The following TTF1 variants were observed in gnomAD, a reference collection of about 807,000 sequenced individuals.
The protein encoded by TTF1 is transcription termination factor 1.
TTF1 carries 64 observed loss-of-function variants against 80.2 expected under a neutral mutation model. That is an observed-to-expected ratio of 0.80 (90% CI 0.65 to 0.98). The LOEUF is 0.98. Ranked by LOEUF, TTF1 falls within the 50% of genes least tolerant of loss-of-function variation. The probability of loss-of-function intolerance (pLI) is 0.00; values close to 1 mark genes in which losing one functional copy is unlikely to be tolerated. For missense variants in TTF1, 1,023 were observed against 1,086.2 expected (o/e 0.94, Z 0.82); for synonymous variants, 372 against 382.7 (o/e 0.97, Z 0.33).
In TTF1 at chr9:132,405,166, C is replaced by T. The variant is rs567288083; in HGVS notation, c.-8+1624G>A. Among the ~76,000 whole-genome samples the T allele has an allele frequency of 5.1e-4, 78 of 152,244 alleles. 1 individual carries two copies. The highest frequency in any genetic ancestry group is 1.7e-3 in the African/African-American group (72 of 41,562). ...CCTCCCAAAGTGCTGGGATTACAGG[C>T]GTGAGCCACCCACTGGCTGATTTCT... On this transcript the variant is annotated intron_variant, in intron 1 of 10. Coordinates refer to ENST00000334270, the MANE Select transcript of TTF1 (RefSeq NM_007344.4).
At chr9:132,389,838 C>T (rs754687053) in intron 7 of TTF1, among the ~76,000 whole-genome samples, 109 of 152,300 alleles carry the variant, frequency 7.2e-4, no homozygotes, top group Middle Eastern at 3.4e-3. Flanking sequence ...ATGTGACTGA[C>T]GCAGCCAGGA....
intron 5 of TTF1, among the ~76,000 whole-genome samples, chr9:132,395,870 C>G (rs1564188505): frequency 6.6e-6 from 1 of 152,168 alleles, no homozygotes; most frequent in African/African-American, 2.4e-5. Flanking sequence ...CGTGCTAACC[C>G]AAACGCTCGG....
At chr9:132,393,278 G>A (rs1166303) in intron 5 of TTF1, among the ~76,000 whole-genome samples, 52 of 151,318 alleles carry the variant, frequency 3.4e-4, no homozygotes, top group Non-Finnish European at 6.0e-4. Context: ...AGCCCCCCCC[G>A]CAAACTGGCC....
chr9:132,376,235 T>C (rs1849174610), intron 10 of TTF1, 67 bp from the exon 11 acceptor site: 2 of 1,507,770 alleles, frequency 1.3e-6, no homozygotes, highest in Non-Finnish European at 8.9e-7. Flanking sequence ...GGTCGAGGCA[T>C]ACAGGAGGCT....
intron 9 of TTF1, among the ~76,000 whole-genome samples, chr9:132,382,761 C>CAAAAAAAAAA (rs55904518): frequency 6.6e-5 from 9 of 136,998 alleles, no homozygotes; most frequent in African/African-American, 8.4e-5. Context: ...ACTAAAAATA[C>CAAAAAAAAAA]AAAAAAAAAA....
intron 10 of TTF1, among the ~76,000 whole-genome samples, chr9:132,377,974 T>C (rs1290037868): frequency 1.8e-4 from 22 of 124,878 alleles, no homozygotes; most frequent in Non-Finnish European, 3.3e-4. Flanking sequence ...TGTGTGTGAG[T>C]GCATGCATGT....
Position 132,401,577 on chromosome 9 carries a change from C to G in TTF1, c.1245G>C (p.Glu415Asp). 1 of 1,614,124 alleles carries G rather than the reference C, an allele frequency of 6.2e-7. No individual in the cohort carries two copies. The highest frequency in any genetic ancestry group is 8.5e-7 in the Non-Finnish European group (1 of 1,180,028). ...DDFSVPSKNS[E>D]STLFDSVEGD... ...CTTCTACTGAATCAAAGAGTGTGCT[C>G]TCAGAGTTCTTACTGGGCACTGAAA... Residue 415 changes from glutamate to aspartate, a missense_variant, in exon 2 of 11, where the codon GAG (glutamate) becomes GAC (aspartate). By Grantham distance (45) the Glu-to-Asp change is conservative. Coordinates refer to ENST00000334270, the MANE Select transcript of TTF1 (RefSeq NM_007344.4).
rs577950226 is a variant in TTF1, at chr9:132,392,429, C to T, written c.1857-223G>A. Among the ~76,000 whole-genome samples, 137 of 152,238 alleles carry T rather than the reference C, an allele frequency of 9.0e-4. 1 individual carries two copies. Among genetic ancestry groups the T allele is most frequent in the Non-Finnish European group, 1.7e-3 (115 of 68,010 alleles). ...AGGCCTGGCTCAACTGAACAGCAGC[C>T]GGAGCAATCACTTAGCCCTTCTTCA... On this transcript the variant is annotated intron_variant, in intron 5 of 10. Coordinates refer to ENST00000334270, the MANE Select transcript of TTF1 (RefSeq NM_007344.4).
rs983784395 is a variant in TTF1, at chr9:132,398,460, C to A, written c.1592-134G>T. 1.5e-5 allele frequency: 13 copies of A among 853,898 alleles called. No homozygotes were observed. In the African/African-American group the frequency reaches 1.9e-4, roughly 13 times the overall value. The allele number at this position is 853,898 out of a possible 1,614,324, so 52.9% of individuals were successfully genotyped here. ...CAACACCTGACATTCGCCCTCCTGC[C>A]CGCACTTGCAGATTTGGCCTTTCCT... On this transcript the variant is annotated intron_variant, in intron 3 of 10. Transcript: ENST00000334270.
chr9:132,401,637 C>T lies in TTF1; in HGVS notation c.1185G>A (p.Thr395=), dbSNP rs763235588. 2.5e-5 allele frequency: 41 copies of T among 1,614,180 alleles called. No individual in the cohort carries two copies. The highest frequency in any genetic ancestry group is 1.6e-4 in the Middle Eastern group (1 of 6,062). The change falls in exon 2 of 11, where the codon ACG becomes ACA. Residue 395 remains threonine (T), a synonymous_variant. Coordinates refer to ENST00000334270, the MANE Select transcript of TTF1 (RefSeq NM_007344.4). ...TKKKSKKRKL[T]SVKRARVSGD... is the part of the protein sequence containing the mutation. ...CAGACACTCGTGCCCTTTTGACAGA[C>T]GTAAGCTTCCTTTTCTTAGACTTCT...
intron 10 of TTF1, among the ~76,000 whole-genome samples, chr9:132,377,493 TGTGAGTGCATGCATGTG>T (rs1849226809): frequency 3.1e-5 from 2 of 63,562 alleles, no homozygotes; most frequent in African/African-American, 9.7e-5. Flanking sequence ...ATGTGGTGTG[TGTGAGTGCATGCATGTG>T]GTGTGAGTGC....
In TTF1 at chr9:132,388,121, C is replaced by A. The variant is rs369758010; in HGVS notation, c.2312+18G>T. On this transcript the variant is annotated intron_variant, in intron 8 of 10. Transcript: ENST00000334270. ...GAGACAGAAACAGTTAAGAGGCATC[C>A]GTTTCTATTTTTCATACCTTTCAAT... is the stretch of plus-strand genomic sequence containing the variant. 15 of 1,582,690 alleles carry A rather than the reference C, an allele frequency of 9.5e-6. No homozygotes were observed. In the African/African-American group the frequency reaches 1.5e-4, roughly 16 times the overall value.
At chr9:132,406,427 C>T (rs1849868318) in intron 1 of TTF1, among the ~76,000 whole-genome samples, 1 of 152,038 alleles carries the variant, frequency 6.6e-6, no homozygotes, top group African/African-American at 2.4e-5. Flanking sequence ...CATGGTGAAA[C>T]CCTGTCTCTA....
Position 132,386,968 on chromosome 9 carries a change from T to G in TTF1, c.2313-347A>C, listed in dbSNP as rs543485800. On this transcript the variant is annotated intron_variant, in intron 8 of 10. Coordinates refer to ENST00000334270, the MANE Select transcript of TTF1 (RefSeq NM_007344.4). The stretch of plus-strand genomic sequence containing the variant: ...CTATGTGACAGACACTGTGAAGGTC[T>G]TTTTTTTGATACAGGGTCTCGCTCT... Among the ~76,000 whole-genome samples, 3 of 149,324 alleles carry G rather than the reference T, an allele frequency of 2.0e-5. No individual in the cohort carries two copies. In the East Asian group the frequency reaches 6.1e-4, roughly 30 times the overall value.
intron 10 of TTF1, among the ~76,000 whole-genome samples, chr9:132,378,420 A>G (rs1250784205): frequency 1.3e-5 from 1 of 78,400 alleles, no homozygotes; most frequent in African/African-American, 5.4e-5. Context: ...ATGTGGTGTG[A>G]GTGCATGTGG....
chr9:132,380,890 G>A (rs1318112422), intron 9 of TTF1, among the ~76,000 whole-genome samples: 1 of 151,948 alleles, frequency 6.6e-6, no homozygotes, highest in Non-Finnish European at 1.5e-5. Context: ...CCTGGATTTT[G>A]TGGGGCCCTT....
Position 132,402,045 on chromosome 9 carries a change from C to T in TTF1, c.777G>A (p.Leu259=), listed in dbSNP as rs1340688007. The T allele has an allele frequency of 6.2e-7, 1 of 1,613,948 alleles. No individual in the cohort carries two copies. Among genetic ancestry groups the T allele is most frequent in the Non-Finnish European group, 8.5e-7 (1 of 1,180,022 alleles). Residue 259 remains leucine, a synonymous_variant, in exon 2 of 11, where the codon TTG becomes TTA. Transcript: ENST00000334270. The part of the protein sequence containing the change: ...DMQESQPTVG[L]DDETPQLLGP... The stretch of plus-strand genomic sequence containing the variant: ...CTAGTAGTTGTGGAGTTTCATCATC[C>T]AAGCCCACAGTAGGCTGGGATTCCT...
In TTF1 at chr9:132,379,051, A is replaced by G. The variant is rs1157768200; in HGVS notation, c.2464+8T>C. On this transcript the variant is annotated splice_region_variant and intron_variant, in intron 10 of 10. Transcript: ENST00000334270. Reference sequence around the variant, plus strand: ...GTTCTTAGCCATATAAATATTAAGAATACTAACCTGGAAAAGTCTTTTTCT... The same window carrying G: ...GTTCTTAGCCATATAAATATTAAGAGTACTAACCTGGAAAAGTCTTTTTCT... 1 of 1,593,656 alleles carries G rather than the reference A, an allele frequency of 6.3e-7. No individual in the cohort carries two copies. Among genetic ancestry groups the G allele is most frequent in the Admixed American group, 1.8e-5 (1 of 55,836 alleles).
rs540512106 is a variant in TTF1, at chr9:132,380,621, A to T, written c.2379-1477T>A. 1.4e-4 allele frequency among the ~76,000 whole-genome samples: 21 copies of T among 152,290 alleles called. No homozygotes were observed. The South Asian group carries it at 4.1e-3, about 30-fold the overall frequency. ...ATGCTTCAGGAAGCAACAAGAACTG[A>T]TCTGGACGTTTTAAAACCAAGCAAG... On this transcript the variant is annotated intron_variant, in intron 9 of 10. Coordinates refer to ENST00000334270, the MANE Select transcript of TTF1 (RefSeq NM_007344.4).
Sources: allele counts gnomAD v4.1 joint callset (sites outside exome capture counted in the v4.1 genomes callset), GRCh38; gene constraint gnomAD v4.1.1; transcripts MANE v1.5; gene names NCBI Gene and HGNC (gene_info 2026-07-23, HGNC 2026-07-21).